The following TRIM44 variants were observed in gnomAD, a reference collection of about 807,000 sequenced individuals.
TRIM44 encodes tripartite motif containing 44.
A neutral mutation model predicts 37.4 loss-of-function variants in TRIM44; 13 were observed. That is an observed-to-expected ratio of 0.35 (90% confidence interval 0.23 to 0.55). The LOEUF is 0.55. Among genes scored for constraint, TRIM44 ranks in the 20% least tolerant of loss-of-function variants. TRIM44 has a pLI of 0.89. For missense variants in TRIM44, 426 were observed against 437.2 expected, an observed-to-expected ratio of 0.97 and a Z score of 0.23; for synonymous variants, 175 against 157.2, an observed-to-expected ratio of 1.11 and a Z score of -0.85.
At chr11:35,686,272 T>C (rs1295054775) in intron 2 of TRIM44, among the ~76,000 whole-genome samples, 2 of 152,102 alleles carry the variant, frequency 1.3e-5, no homozygotes, top group East Asian at 3.9e-4. Context: ...CTACCTGGTA[T>C]TGGGGCCAGC....
At position 35,691,368 on chromosome 11, in the gene TRIM44, C is replaced by T. The variant is rs531586435; in HGVS notation, c.747+6032C>T. On this transcript the variant is annotated intron_variant, in intron 2 of 4. Coordinates refer to ENST00000299413, the MANE Select transcript of TRIM44 (RefSeq NM_017583.6). ...TTCCCCTGGCTTTATCAAAACAAAA[C>T]AGCTTACCCCTCTCATCCTCCCCTA... Among the ~76,000 whole-genome samples the T allele has an allele frequency of 1.3e-5, 2 of 152,276 alleles. 1 individual carries two copies. The highest frequency in any genetic ancestry group is 4.1e-4 in the South Asian group (2 of 4,824).
At chr11:35,665,685 C>T (rs1250133337) in intron 1 of TRIM44, among the ~76,000 whole-genome samples, 1 of 150,098 alleles carries the variant, frequency 6.7e-6, no homozygotes, top group Non-Finnish European at 1.5e-5. Context: ...ACCTGCGCCT[C>T]CCAGGTTCAA....
At chr11:35,711,291 AT>A (rs1373680780) in intron 2 of TRIM44, among the ~76,000 whole-genome samples, 2 of 152,110 alleles carry the variant, frequency 1.3e-5, no homozygotes, top group African/African-American at 4.8e-5. Context: ...GTGAATATTA[AT>A]TTTCTTTTTC....
chr11:35,727,144 T>A (rs1221773680), intron 3 of TRIM44, among the ~76,000 whole-genome samples: 15 of 148,748 alleles, frequency 1.0e-4, no homozygotes, highest in Non-Finnish European at 1.8e-4. Context: ...TGTGACAGAG[T>A]GAGATCCTGT....
chr11:35,754,422 C>T (rs1445987411), intron 4 of TRIM44, among the ~76,000 whole-genome samples: 1 of 152,188 alleles, frequency 6.6e-6, no homozygotes, highest in Non-Finnish European at 1.5e-5. Context: ...TATCTGTACA[C>T]CTCCTACCTT....
At chr11:35,703,060 C>T (rs1453772790) in intron 2 of TRIM44, among the ~76,000 whole-genome samples, 2 of 152,292 alleles carry the variant, frequency 1.3e-5, no homozygotes, top group East Asian at 3.9e-4. Context: ...ACCCTAATAC[C>T]GCGCTTTTCC....
chr11:35,774,329 T>C (rs992031987), intron 4 of TRIM44, among the ~76,000 whole-genome samples: 2 of 152,234 alleles, frequency 1.3e-5, no homozygotes, highest in Non-Finnish European at 2.9e-5. Flanking sequence ...ATTTTTTTCT[T>C]GTAAATTTGT....
chr11:35,691,847 G>A (rs997592617), intron 2 of TRIM44, among the ~76,000 whole-genome samples: 8 of 152,062 alleles, frequency 5.3e-5, no homozygotes, highest in East Asian at 1.9e-4. Flanking sequence ...GGGTTTCACT[G>A]TGTTAGCCAG....
Position 35,729,381 on chromosome 11 carries a change from A to C in TRIM44, c.987+3218A>C, listed in dbSNP as rs192376064. 2.9e-3 allele frequency among the ~76,000 whole-genome samples: 436 copies of C among 152,150 alleles called. 1 individual carries two copies. Among genetic ancestry groups the C allele is most frequent in the African/African-American group, 9.7e-3 (401 of 41,516 alleles). ...TACCTTTGGCCCTGCTCCTCCCAGT[A>C]ATGAGTGGAACCCATCTCCTATGCA... On this transcript the variant is annotated intron_variant, in intron 3 of 4. Transcript: ENST00000299413.
At chr11:35,744,155 C>G (rs1460714342) in intron 4 of TRIM44, among the ~76,000 whole-genome samples, 2 of 152,118 alleles carry the variant, frequency 1.3e-5, no homozygotes, top group Non-Finnish European at 2.9e-5. Context: ...GCTGTTTTGC[C>G]TTCTTAGGGC....
At position 35,793,179 on chromosome 11, in the gene TRIM44, AAAG is replaced by A. The variant is rs1404711974; in HGVS notation, c.1008-13176_1008-13174del. Among the ~76,000 whole-genome samples the A allele has an allele frequency of 2.8e-3, 277 of 97,540 alleles. 3 individuals are homozygous for A. Among genetic ancestry groups the A allele is most frequent in the African/African-American group, 0.012 (267 of 22,296 alleles). The allele number at this position is 97,540 out of a possible 152,430, so 64.0% of individuals were successfully genotyped here. ...CAGTTATAAAAACTGAAAAAAAAAAAAAGAAATCTAGCTGTGCGGCTTCTTTTT... is the reference window on the plus strand; with the variant it reads ...CAGTTATAAAAACTGAAAAAAAAAAAAAATCTAGCTGTGCGGCTTCTTTTT... On this transcript the variant is annotated intron_variant, in intron 4 of 4. Transcript: ENST00000299413.
At chr11:35,729,562 G>A (rs2135517850) in intron 3 of TRIM44, among the ~76,000 whole-genome samples, 1 of 152,242 alleles carries the variant, frequency 6.6e-6, no homozygotes, top group South Asian at 2.1e-4. Context: ...GTCAGTTATT[G>A]GAATTTTATC....
intron 4 of TRIM44, among the ~76,000 whole-genome samples, chr11:35,748,070 A>C (rs1852512984): frequency 3.9e-5 from 6 of 152,122 alleles, no homozygotes; most frequent in Admixed American, 2.6e-4. Context: ...ATCCCTAGCC[A>C]ACCAAGTCTT....
At chr11:35,779,299 G>A (rs114748485) in intron 4 of TRIM44, among the ~76,000 whole-genome samples, 1,647 of 152,282 alleles carry the variant, frequency 0.011, 35 homozygotes, top group African/African-American at 0.037. Context: ...TTGGAAAAGC[G>A]CAGTATTAGG....
At chr11:35,778,858 A>C (rs191383950) in intron 4 of TRIM44, among the ~76,000 whole-genome samples, 3 of 152,140 alleles carry the variant, frequency 2.0e-5, no homozygotes, top group Non-Finnish European at 4.4e-5. Flanking sequence ...TCAGCCCCCT[A>C]TTGGGAGTTC....
intron 2 of TRIM44, among the ~76,000 whole-genome samples, chr11:35,697,961 A>G (rs1038310858): frequency 6.6e-5 from 10 of 151,236 alleles, no homozygotes; most frequent in Admixed American, 4.6e-4. Flanking sequence ...TCCTTTGGGT[A>G]TATACCCAGT....
At chr11:35,693,670 C>T (rs1035016532) in intron 2 of TRIM44, among the ~76,000 whole-genome samples, 1 of 152,092 alleles carries the variant, frequency 6.6e-6, no homozygotes, top group African/African-American at 2.4e-5. Context: ...AAAATTTCCC[C>T]TTTTGACCAG....
chr11:35,744,111 T>C (rs1246449303), intron 4 of TRIM44, among the ~76,000 whole-genome samples: 1 of 152,196 alleles, frequency 6.6e-6, no homozygotes, highest in Non-Finnish European at 1.5e-5. Flanking sequence ...GGATAAATTA[T>C]CTCAGAGTAC....
intron 4 of TRIM44, among the ~76,000 whole-genome samples, chr11:35,757,606 G>T (rs1852662512): frequency 1.3e-5 from 2 of 152,048 alleles, no homozygotes; most frequent in Non-Finnish European, 2.9e-5. Context: ...GTCAATTTTG[G>T]ATCTTTTCTG....
Sources: gnomAD v4.1 joint callset for allele counts (sites outside exome capture counted in the v4.1 genomes callset) on GRCh38, gnomAD v4.1.1 for gene constraint, MANE v1.5 for transcripts, NCBI Gene and HGNC (gene_info 2026-07-23, HGNC 2026-07-21) for gene names.